The following PRKAR1B variants were observed in gnomAD, a reference collection of about 807,000 sequenced individuals.
The protein encoded by PRKAR1B is protein kinase cAMP-dependent type I regulatory subunit beta, also known as cAMP-dependent protein kinase type I-beta regulatory subunit.
In PRKAR1B, 22 loss-of-function variants were observed where a neutral mutation model predicts 46.5. That is an observed-to-expected ratio of 0.47 (90% CI 0.34 to 0.68). PRKAR1B has a LOEUF of 0.68. PRKAR1B is among the 30% of genes least tolerant of loss of function. The pLI, the probability that PRKAR1B is intolerant of heterozygous loss-of-function variation, is 0.01. For synonymous variants in PRKAR1B, 259 were observed against 217.7 expected, an observed-to-expected ratio of 1.19 and a Z score of -1.67; for missense variants, 445 against 535.6, an observed-to-expected ratio of 0.83 and a Z score of 1.67.
chr7:588,656 G>A (rs1780761887), intron 7 of PRKAR1B, among the ~76,000 whole-genome samples: 2 of 147,624 alleles, frequency 1.4e-5, no homozygotes, highest in Admixed American at 6.6e-5. Flanking sequence ...TGATGGTGGT[G>A]AGGATAGTGA....
intron 4 of PRKAR1B, among the ~76,000 whole-genome samples, chr7:638,795 G>A (rs2128483809): frequency 6.6e-6 from 1 of 152,268 alleles, no homozygotes; most frequent in African/African-American, 2.4e-5. Flanking sequence ...ATTCACATGC[G>A]GCCGGGCGCG....
intron 7 of PRKAR1B, among the ~76,000 whole-genome samples, chr7:590,928 G>C (rs911675329): frequency 1.3e-5 from 2 of 152,164 alleles, no homozygotes; most frequent in Non-Finnish European, 2.9e-5. Flanking sequence ...CGAGAGCGGA[G>C]AGCGGGCCGG....
intron 4 of PRKAR1B, among the ~76,000 whole-genome samples, chr7:647,077 C>T (rs574012345): frequency 3.3e-5 from 5 of 152,306 alleles, no homozygotes; most frequent in African/African-American, 4.8e-5. Flanking sequence ...GCAACATGGC[C>T]GGCCAGAGCC....
At position 551,272 on chromosome 7, in the gene PRKAR1B, G is replaced by A. The variant is rs1008218909; in HGVS notation, c.973+117C>T. The A allele has an allele frequency of 1.0e-5, 10 of 952,998 alleles. No homozygotes were observed. In the South Asian group the frequency reaches 1.4e-4, roughly 14 times the overall value. 59.0% of individuals were successfully genotyped at this position (952,998 alleles called of 1,614,324 possible). A position where few individuals can be genotyped will look rare whatever the true frequency, so the allele number is the denominator to read the frequency against. On this transcript the variant is annotated intron_variant, in intron 10 of 10. Transcript: ENST00000537384. ...TGCAGCCACACTGGGGCTCAGCCAA[G>A]CCCCACTACAAGGCCCCAGGGAAGC...
At chr7:607,057 G>A (rs1024981167) in intron 5 of PRKAR1B, among the ~76,000 whole-genome samples, 1 of 151,944 alleles carries the variant, frequency 6.6e-6, no homozygotes, top group Non-Finnish European at 1.5e-5. Flanking sequence ...AGGCTAGAGT[G>A]CAATGGCGTG....
intron 9 of PRKAR1B, among the ~76,000 whole-genome samples, chr7:573,831 G>A (rs1026756339): frequency 3.9e-5 from 6 of 152,150 alleles, no homozygotes; most frequent in Admixed American, 6.5e-5. Flanking sequence ...TCCCAGCTGC[G>A]GGAGGCAGCG....
chr7:606,188 C>T lies in PRKAR1B; in HGVS notation c.549+5G>A. 6.2e-7 allele frequency: 1 copy of T among 1,613,942 alleles called. No individual in the cohort carries two copies. The highest frequency in any genetic ancestry group is 1.1e-5 in the South Asian group (1 of 91,050). On this transcript the variant is annotated splice_donor_5th_base_variant and intron_variant, in intron 6 of 10. Transcript: ENST00000537384. ...ATTTTCCAAAGACAAGTTAGCGACA[C>T]TCACATCCACTTCCCCTTGATCAAC...
chr7:658,162 G>A (rs773670066), intron 4 of PRKAR1B, among the ~76,000 whole-genome samples: 6 of 152,046 alleles, frequency 3.9e-5, no homozygotes, highest in South Asian at 2.1e-4. Flanking sequence ...GGCGGGGTCC[G>A]GTGGCTCACA....
At chr7:676,301 C>G (rs1462493106) in intron 4 of PRKAR1B, among the ~76,000 whole-genome samples, 1 of 152,224 alleles carries the variant, frequency 6.6e-6, no homozygotes, top group Non-Finnish European at 1.5e-5. Flanking sequence ...TCAGCCCTCT[C>G]CCTGAATAAC....
chr7:581,734 G>A (rs954484402), intron 8 of PRKAR1B, among the ~76,000 whole-genome samples: 2 of 151,684 alleles, frequency 1.3e-5, no homozygotes, highest in Admixed American at 6.6e-5. Flanking sequence ...TTTTTTTCAA[G>A]AGACAGGGTC....
At chr7:625,849 A>T (rs576488036) in intron 4 of PRKAR1B, among the ~76,000 whole-genome samples, 15 of 152,070 alleles carry the variant, frequency 9.9e-5, no homozygotes, top group Admixed American at 3.9e-4. Context: ...CTAGTAAAAA[A>T]TACACAAAAT....
chr7:574,306 A>C (rs71536294), intron 9 of PRKAR1B, among the ~76,000 whole-genome samples: 13,238 of 152,350 alleles, frequency 0.087, 650 homozygotes, highest in East Asian at 0.12. Context: ...AGAGCAGGGC[A>C]GGGCAGGGGC....
intron 4 of PRKAR1B, among the ~76,000 whole-genome samples, chr7:627,624 C>A (rs1006313210): frequency 2.0e-5 from 3 of 152,204 alleles, no homozygotes; most frequent in Admixed American, 1.3e-4. Flanking sequence ...CTGAGCTTGA[C>A]AGCAGAGGGC....
At chr7:620,803 C>T (rs886153634) in intron 4 of PRKAR1B, among the ~76,000 whole-genome samples, 7 of 152,146 alleles carry the variant, frequency 4.6e-5, no homozygotes, top group African/African-American at 9.7e-5. Context: ...ATAGCATTGC[C>T]GGGACCTCCC....
chr7:667,234 T>C lies in PRKAR1B; in HGVS notation c.440+9995A>G, dbSNP rs753546671. Among the ~76,000 whole-genome samples the C allele has an allele frequency of 1.3e-5, 2 of 152,136 alleles. No individual in the cohort carries two copies. The highest frequency in any genetic ancestry group is 2.9e-5 in the Non-Finnish European group (2 of 68,028). On this transcript the variant is annotated intron_variant, in intron 4 of 10. Transcript: ENST00000537384. This position sits in a 1 kb window ranked among gnomAD's most constrained non-coding sequence, Gnocchi z 4.3. Reference sequence around the variant, plus strand: ...GTAATGGTGATGACTATGATGGTGATGATAATGATGGTGGTGATAACAGTA... The same window carrying C: ...GTAATGGTGATGACTATGATGGTGACGATAATGATGGTGGTGATAACAGTA...
At chr7:635,431 C>T (rs1233518668) in intron 4 of PRKAR1B, among the ~76,000 whole-genome samples, 2 of 152,202 alleles carry the variant, frequency 1.3e-5, no homozygotes, top group Non-Finnish European at 2.9e-5. Context: ...TCAGAAGGAT[C>T]GGAGTGGACG....
At chr7:722,639 T>G (rs997512494) in intron 1 of PRKAR1B, among the ~76,000 whole-genome samples, 1 of 152,278 alleles carries the variant, frequency 6.6e-6, no homozygotes, top group Non-Finnish European at 1.5e-5. Flanking sequence ...CACAAAGTGC[T>G]GGGATGACAG....
At chr7:679,597 G>C (rs1778540451) in intron 3 of PRKAR1B, among the ~76,000 whole-genome samples, 1 of 152,220 alleles carries the variant, frequency 6.6e-6, no homozygotes, top group Non-Finnish European at 1.5e-5. Flanking sequence ...AGGGAATAGA[G>C]TCTCAGTTCT....
intron 4 of PRKAR1B, among the ~76,000 whole-genome samples, chr7:625,628 T>C (rs535998555): frequency 2.6e-5 from 4 of 152,128 alleles, no homozygotes; most frequent in Non-Finnish European, 4.4e-5. Context: ...ACAGGTCCCA[T>C]GGACAAGGGG....
Sources: allele counts gnomAD v4.1 joint callset (sites outside exome capture counted in the v4.1 genomes callset), GRCh38; gene constraint gnomAD v4.1.1; non-coding constraint Gnocchi (gnomAD v3.1); transcripts MANE v1.5; gene names NCBI Gene and HGNC (gene_info 2026-07-23, HGNC 2026-07-21).